The following ADGRD1 variants were observed in gnomAD, a reference collection of about 807,000 sequenced individuals.
ADGRD1 encodes the protein adhesion G protein-coupled receptor D1, also known as G-protein coupled receptor 133.
In ADGRD1, 77 loss-of-function variants were observed where a neutral mutation model predicts 113.4. The observed-to-expected ratio is 0.68, with a 90% CI of 0.57 to 0.82. The LOEUF (loss-of-function observed/expected upper bound fraction) is 0.82, where lower values mean the gene tolerates loss of function less well. Ranked by LOEUF, ADGRD1 falls within the 40% of genes least tolerant of loss-of-function variation. The pLI, the probability that ADGRD1 is intolerant of heterozygous loss-of-function variation, is 0.00. For synonymous variants in ADGRD1, 474 were observed against 475.0 expected, an observed-to-expected ratio of 1.00 and a Z score of 0.03; for missense variants, 1,036 against 1,139.1, an observed-to-expected ratio of 0.91 and a Z score of 1.30.
intron 22 of ADGRD1, 126 bp from the exon 23 acceptor site, chr12:131,136,847 G>T: frequency 2.5e-6 from 2 of 814,334 alleles, no homozygotes; most frequent in Non-Finnish European, 2.2e-6. Flanking sequence ...CGGGCCCCAG[G>T]TCATGGGACC....
intron 13 of ADGRD1, among the ~76,000 whole-genome samples, chr12:131,065,326 T>C (rs1164060960): frequency 5.9e-5 from 9 of 152,240 alleles, no homozygotes. Flanking sequence ...GTTTGATTTC[T>C]GAACAAGAGT....
intron 15 of ADGRD1, among the ~76,000 whole-genome samples, chr12:131,094,386 A>C (rs979342860): frequency 6.6e-6 from 1 of 152,102 alleles, no homozygotes; most frequent in African/African-American, 2.4e-5. Flanking sequence ...CTTCATAAGG[A>C]AGGTTCAGTC....
chr12:131,038,659 C>G (rs1235702506), intron 13 of ADGRD1, among the ~76,000 whole-genome samples: 1 of 152,146 alleles, frequency 6.6e-6, no homozygotes, highest in African/African-American at 2.4e-5. Context: ...TGGCTGGAGG[C>G]AGAGGTGATG....
intron 3 of ADGRD1, chr12:130,970,721 C>T (rs1871515051): frequency 6.6e-6 from 1 of 152,354 alleles, no homozygotes; most frequent in African/African-American, 2.4e-5. Context: ...TTACCCCACA[C>T]ACTCACCATC....
chr12:130,983,154 A>G (rs1319074394), intron 5 of ADGRD1, among the ~76,000 whole-genome samples: 1 of 152,164 alleles, frequency 6.6e-6, no homozygotes, highest in Non-Finnish European at 1.5e-5. Context: ...CTCATTCATA[A>G]TATGGCAGTA....
intron 13 of ADGRD1, among the ~76,000 whole-genome samples, chr12:131,067,714 T>A (rs1474430878): frequency 1.4e-5 from 1 of 72,310 alleles, no homozygotes; most frequent in Non-Finnish European, 3.0e-5. Flanking sequence ...GGGGCTGCCC[T>A]CTGCCTCCTG....
intron 11 of ADGRD1, 133 bp downstream of exon 11, chr12:131,004,429 C>CGGGCCGCCTGCGGTGCTCCCCT (rs1876843636): frequency 9.0e-6 from 6 of 665,818 alleles, no homozygotes; most frequent in Middle Eastern, 7.1e-4. Flanking sequence ...GGTGCTCCCC[C>CGGGCCGCCTGCGGTGCTCCCCT]GGACTGCCTG....
intron 13 of ADGRD1, among the ~76,000 whole-genome samples, chr12:131,014,610 C>T (rs991962287): frequency 1.3e-5 from 2 of 152,174 alleles, no homozygotes; most frequent in African/African-American, 2.4e-5. Context: ...GGAGCGATCA[C>T]GGATCTTCCT....
intron 21 of ADGRD1, among the ~76,000 whole-genome samples, chr12:131,134,681 A>G (rs553888808): frequency 6.6e-6 from 1 of 152,386 alleles, no homozygotes; most frequent in South Asian, 2.1e-4. Context: ...CGGAGCTGTC[A>G]GTGCCAGGCT....
At chr12:131,039,238 A>G (rs1025231935) in intron 13 of ADGRD1, among the ~76,000 whole-genome samples, 1 of 129,486 alleles carries the variant, frequency 7.7e-6, no homozygotes, top group Non-Finnish European at 1.8e-5. Flanking sequence ...TCCTCCAGCC[A>G]CTGCCCGCTG....
intron 8 of ADGRD1, among the ~76,000 whole-genome samples, chr12:130,995,922 C>T (rs202190847): frequency 1.3e-5 from 2 of 152,086 alleles, no homozygotes; most frequent in African/African-American, 4.8e-5. Flanking sequence ...GAGGACCCTG[C>T]GGCCTTCCGC....
chr12:131,091,458 G>A (rs995614966), intron 15 of ADGRD1, among the ~76,000 whole-genome samples: 8 of 152,170 alleles, frequency 5.3e-5, no homozygotes, highest in Non-Finnish European at 8.8e-5. Context: ...CACGAAACGC[G>A]GTGTAACTGT....
Position 131,003,267 on chromosome 12 carries a change from C to G in ADGRD1, c.1109C>G (p.Pro370Arg), listed in dbSNP as rs780445686. The G allele has an allele frequency of 6.2e-7, 1 of 1,613,940 alleles. No homozygotes were observed. Among genetic ancestry groups the G allele is most frequent in the Non-Finnish European group, 8.5e-7 (1 of 1,179,932 alleles). The change falls in exon 10 of 25, where the codon CCC becomes CGC. Residue 370 changes from proline to arginine, a missense_variant. Physicochemically the swap from Pro to Arg is moderately radical, Grantham distance 103. Coordinates refer to ENST00000261654, the MANE Select transcript of ADGRD1 (RefSeq NM_198827.5). This position sits in a 1 kb window ranked among gnomAD's most constrained non-coding sequence, Gnocchi z 4.8. The stretch of plus-strand genomic sequence containing the variant: ...TCCTCCAACCTGCACGGCAGCACGC[C>G]CCAGGTCACCGTGGAGGGCTCCTCT... ...HVSSNLHGST[P>R]QVTVEGSSAM...
intron 13 of ADGRD1, 165 bp from the exon 14 acceptor site, chr12:131,076,636 G>C: frequency 1.5e-6 from 1 of 665,160 alleles, no homozygotes; most frequent in Admixed American, 2.1e-5. Flanking sequence ...ACCTGGGCCA[G>C]GTGATGTGGG....
At chr12:130,999,512 C>G (rs897059858) in intron 8 of ADGRD1, among the ~76,000 whole-genome samples, 1 of 152,326 alleles carries the variant, frequency 6.6e-6, no homozygotes, top group East Asian at 1.9e-4. Context: ...AATTTAGTGT[C>G]TCAGAGTGTG....
chr12:131,014,260 C>T lies in ADGRD1; in HGVS notation c.1393C>T (p.Leu465=), dbSNP rs753803627. The T allele has an allele frequency of 3.1e-6, 5 of 1,614,096 alleles. No homozygotes were observed. In the South Asian group the frequency reaches 3.3e-5, roughly 11 times the overall value. ...GTTCGCCACCAGCCACCTGATTTCCCTGGAGGTGTCCCCACCACCCACCCT... is the reference window on the plus strand; with the variant it reads ...GTTCGCCACCAGCCACCTGATTTCCTTGGAGGTGTCCCCACCACCCACCCT... ...LLFATSHLIS[L]EVSPPPTLSQ... The change falls in exon 13 of 25, where the codon CTG becomes TTG. Residue 465 remains leucine (L), a synonymous_variant. Transcript: ENST00000261654.
intron 12 of ADGRD1, among the ~76,000 whole-genome samples, chr12:131,012,664 A>T (rs1039672429): frequency 1.3e-5 from 2 of 152,218 alleles, no homozygotes; most frequent in African/African-American, 4.8e-5. Context: ...CGCCCATCCC[A>T]GGCAGGGTCA....
chr12:131,039,149 T>C (rs1881851371), intron 13 of ADGRD1, among the ~76,000 whole-genome samples: 1 of 151,808 alleles, frequency 6.6e-6, no homozygotes, highest in Non-Finnish European at 1.5e-5. Context: ...CACTGCCCGC[T>C]GAGCCGGGAC....
chr12:131,065,782 CCT>C (rs35190692), intron 13 of ADGRD1, among the ~76,000 whole-genome samples: 44,387 of 151,970 alleles, frequency 0.29, 7,110 homozygotes, highest in South Asian at 0.48. Flanking sequence ...GAGAGGTTTG[CCT>C]CTCTCTTCCC....
Sources: allele counts gnomAD v4.1 joint callset (sites outside exome capture counted in the v4.1 genomes callset), GRCh38; gene constraint gnomAD v4.1.1; non-coding constraint Gnocchi (gnomAD v3.1); transcripts MANE v1.5; gene names NCBI Gene and HGNC (gene_info 2026-07-23, HGNC 2026-07-21).